The following PROCR variants were observed in gnomAD, a reference collection of about 807,000 sequenced individuals.
PROCR encodes the protein endothelial protein C receptor.
PROCR carries 22 observed loss-of-function variants against 24.2 expected under a neutral mutation model. The observed-to-expected ratio is 0.91, with a 90% CI of 0.65 to 1.30. PROCR has a LOEUF of 1.30. Among genes scored for constraint, PROCR ranks in the 50% most tolerant of loss-of-function variants. PROCR has a pLI of 0.00. For missense variants in PROCR, 288 were observed against 307.7 expected (o/e 0.94, Z 0.48); for synonymous variants, 137 against 139.2 (o/e 0.98, Z 0.11).
At chr20:35,178,507 G>GTTTTGGTT (rs1272557859), downstream of PROCR, among the ~76,000 whole-genome samples, 2 of 34,372 alleles carry the variant, frequency 5.8e-5, 1 homozygote, top group African/African-American at 3.7e-4. Context: ...TCAAGTCTCA[G>GTTTTGGTT]TTTTTTTTTT....
chr20:35,181,266 T>G (rs9967917), downstream of PROCR, among the ~76,000 whole-genome samples: 20 of 92,632 alleles, frequency 2.2e-4, no homozygotes, highest in Non-Finnish European at 4.0e-4. Context: ...AATTTAATTT[T>G]AATTTAATTT....
downstream of PROCR, among the ~76,000 whole-genome samples, chr20:35,180,607 TC>T (rs2086068703): frequency 6.6e-6 from 1 of 151,624 alleles, no homozygotes; most frequent in Admixed American, 6.6e-5. Context: ...CCCTACTTCT[TC>T]CCCCTGGTAA....
At chr20:35,204,838 A>C (rs2060332053) in intron 1 of PROCR, among the ~76,000 whole-genome samples, 1 of 152,222 alleles carries the variant, frequency 6.6e-6, no homozygotes, top group Non-Finnish European at 1.5e-5. Context: ...CTATAGAACA[A>C]TACTTCACAT....
At chr20:35,197,309 C>G (rs756107942) in intron 1 of PROCR, among the ~76,000 whole-genome samples, 5 of 152,076 alleles carry the variant, frequency 3.3e-5, no homozygotes, top group Non-Finnish European at 7.4e-5. Context: ...GATCAGTGAT[C>G]TTGGATGTTA....
At chr20:35,196,605 T>A (rs1012682070) in intron 1 of PROCR, among the ~76,000 whole-genome samples, 5 of 152,196 alleles carry the variant, frequency 3.3e-5, no homozygotes, top group African/African-American at 1.2e-4. Context: ...AACTGTCAAC[T>A]TGAAATTTTC....
upstream of PROCR, among the ~76,000 whole-genome samples, chr20:35,171,635 T>C (rs3761140): frequency 4.5e-4 from 68 of 152,336 alleles, no homozygotes; most frequent in East Asian, 6.2e-3. Flanking sequence ...GTAGCCATTA[T>C]ACTGGAAAAC....
At chr20:35,201,416 G>A (rs1041066258) in intron 1 of PROCR, among the ~76,000 whole-genome samples, 5 of 152,118 alleles carry the variant, frequency 3.3e-5, no homozygotes, top group Admixed American at 6.6e-5. Flanking sequence ...GGCTGGGTGC[G>A]GTGGCTCACG....
downstream of PROCR, among the ~76,000 whole-genome samples, chr20:35,181,436 G>A (rs1600738651): frequency 6.6e-6 from 1 of 151,540 alleles, no homozygotes; most frequent in Non-Finnish European, 1.5e-5. Context: ...CACCACGCCC[G>A]GCTAATTTTT....
At chr20:35,175,572 AC>A (rs372940050) in intron 2 of PROCR, among the ~76,000 whole-genome samples, 1,842 of 51,360 alleles carry the variant, frequency 0.036, 71 homozygotes, top group Middle Eastern at 0.096. Context: ...CCCCCACCCC[AC>A]CCCCCTTTTT....
intron 1 of PROCR, among the ~76,000 whole-genome samples, chr20:35,195,844 GA>G (rs2086211039): frequency 6.8e-6 from 1 of 146,224 alleles, no homozygotes; most frequent in South Asian, 2.1e-4. Flanking sequence ...AAAAGAAAAA[GA>G]AAAGAAAGAA....
intron 1 of PROCR, among the ~76,000 whole-genome samples, chr20:35,186,810 G>A (rs1224149705): frequency 6.6e-6 from 1 of 151,654 alleles, no homozygotes; most frequent in Non-Finnish European, 1.5e-5. Flanking sequence ...AAAAAGAGCT[G>A]GGCATGGTGG....
intron 1 of PROCR, among the ~76,000 whole-genome samples, chr20:35,191,829 C>G (rs1285005593): frequency 6.6e-6 from 1 of 152,184 alleles, no homozygotes; most frequent in Non-Finnish European, 1.5e-5. Flanking sequence ...GATGGAAAGG[C>G]ATTGGAGGCT....
intron 1 of PROCR, among the ~76,000 whole-genome samples, chr20:35,186,864 A>G (rs1418087252): frequency 6.6e-6 from 1 of 151,730 alleles, no homozygotes; most frequent in Non-Finnish European, 1.5e-5. Context: ...AAGGCAGGAG[A>G]ATGGCGTGAA....
chr20:35,191,727 T>G (rs1028983973), intron 1 of PROCR, among the ~76,000 whole-genome samples: 20 of 152,212 alleles, frequency 1.3e-4, no homozygotes, highest in Non-Finnish European at 2.9e-4. Context: ...TTATCTGAAG[T>G]GGTACAGGCA....
chr20:35,197,586 G>C (rs2060302574), intron 1 of PROCR, among the ~76,000 whole-genome samples: 1 of 152,110 alleles, frequency 6.6e-6, no homozygotes, highest in African/African-American at 2.4e-5. Flanking sequence ...CACTTTGGGA[G>C]GCCGAGGTGG....
At chr20:35,193,178 C>CTTT (rs369192046) in intron 1 of PROCR, among the ~76,000 whole-genome samples, 1 of 142,318 alleles carries the variant, frequency 7.0e-6, no homozygotes, top group Non-Finnish European at 1.5e-5. Context: ...TTCTTTCTTT[C>CTTT]TTTTTTTTTT....
intron 1 of PROCR, among the ~76,000 whole-genome samples, chr20:35,196,133 G>T (rs1444865447): frequency 7.6e-6 from 1 of 132,320 alleles, no homozygotes; most frequent in Non-Finnish European, 1.5e-5. Flanking sequence ...AGTGAGCCAG[G>T]ATTGGGCCAC....
intron 1 of PROCR, among the ~76,000 whole-genome samples, chr20:35,205,435 G>A (rs2060334481): frequency 6.9e-6 from 1 of 145,638 alleles, no homozygotes; most frequent in African/African-American, 2.5e-5. Context: ...ACTAGAGAAG[G>A]AAACTTCGTT....
chr20:35,177,844 A>T (rs553851781), downstream of PROCR, among the ~76,000 whole-genome samples: 3 of 152,286 alleles, frequency 2.0e-5, no homozygotes, highest in African/African-American at 7.2e-5. Context: ...AAATTTGCGG[A>T]CTAGAACTCT....
Sources: allele counts gnomAD v4.1 joint callset (sites outside exome capture counted in the v4.1 genomes callset), GRCh38; gene constraint gnomAD v4.1.1; transcripts MANE v1.5; gene names NCBI Gene and HGNC (gene_info 2026-07-23, HGNC 2026-07-21).